The following TAFA1 variants were observed in gnomAD, a reference collection of about 807,000 sequenced individuals.
TAFA1 encodes chemokine-like protein TAFA-1.
Under a neutral mutation model 18.5 loss-of-function variants are expected in TAFA1, and 4 were observed. The ratio of observed to expected loss-of-function variants is 0.22; its 90% CI spans 0.11 to 0.49. TAFA1 has a LOEUF of 0.49. Ranked by LOEUF, TAFA1 falls within the 20% of genes least tolerant of loss-of-function variation. The pLI, the probability that TAFA1 is intolerant of heterozygous loss-of-function variation, is 0.98. For synonymous variants in TAFA1, 56 were observed against 55.2 expected, an observed-to-expected ratio of 1.01 and a Z score of -0.06; for missense variants, 147 against 169.0, an observed-to-expected ratio of 0.87 and a Z score of 0.72.
intron 2 of TAFA1, among the ~76,000 whole-genome samples, chr3:68,099,467 C>T (rs778497226): frequency 6.6e-6 from 1 of 152,028 alleles, no homozygotes; most frequent in Non-Finnish European, 1.5e-5. Context: ...CCATCTCACA[C>T]CAGTCAGAAT....
intron 2 of TAFA1, among the ~76,000 whole-genome samples, chr3:68,404,451 T>C (rs892981449): frequency 1.3e-5 from 2 of 152,112 alleles, no homozygotes; most frequent in Admixed American, 1.3e-4. Flanking sequence ...GGTCCATAGA[T>C]GAAAGTAAAA....
At position 68,422,925 on chromosome 3, in the gene TAFA1, G is replaced by A. The variant is rs530670073; in HGVS notation, c.259+5505G>A. On this transcript the variant is annotated intron_variant, in intron 3 of 4. Transcript: ENST00000478136. ...AGAACAACTAAAAATATTACCTACA[G>A]CCTTTCATTAATTTCCAAGTTCTTC... Among the ~76,000 whole-genome samples, 5 of 151,742 alleles carry A rather than the reference G, an allele frequency of 3.3e-5. No individual in the cohort carries two copies. The East Asian group carries it at 9.7e-4, about 30-fold the overall frequency.
At chr3:68,000,107 A>G (rs767094595), upstream of TAFA1, among the ~76,000 whole-genome samples, 16 of 152,160 alleles carry the variant, frequency 1.1e-4, no homozygotes, top group Non-Finnish European at 2.2e-4. Context: ...TTATTTCTGT[A>G]AAGGCAGCTC....
rs574992064 is a variant in TAFA1, at chr3:68,122,220, C to A, written c.118+115476C>A. On this transcript the variant is annotated intron_variant, in intron 2 of 4. Coordinates refer to ENST00000478136, the MANE Select transcript of TAFA1 (RefSeq NM_213609.4). ...ATATTTTTTTTAATTCTGAGGCTTT[C>A]TATGTAATTTAACTTTCCTAATGAT... Among the ~76,000 whole-genome samples, 16 of 152,122 alleles carry A rather than the reference C, an allele frequency of 1.1e-4. No homozygotes were observed. In the South Asian group the frequency reaches 3.3e-3, roughly 32 times the overall value.
intron 2 of TAFA1, among the ~76,000 whole-genome samples, chr3:68,055,365 T>A (rs2064523348): frequency 6.6e-6 from 1 of 152,074 alleles, no homozygotes; most frequent in Non-Finnish European, 1.5e-5. Flanking sequence ...AATGCCTCCA[T>A]ATCAATAAAC....
chr3:68,481,677 T>C (rs557912632), intron 3 of TAFA1, among the ~76,000 whole-genome samples: 4 of 152,334 alleles, frequency 2.6e-5, no homozygotes, highest in African/African-American at 9.6e-5. Flanking sequence ...TTAATTTATA[T>C]AAAGCAGATT....
chr3:68,506,942 G>A (rs747925284), intron 3 of TAFA1, among the ~76,000 whole-genome samples: 1 of 151,446 alleles, frequency 6.6e-6, no homozygotes, highest in Non-Finnish European at 1.5e-5. Flanking sequence ...CTGGAAGGGT[G>A]TTTATTATGG....
chr3:68,030,337 T>C (rs1402721066), intron 2 of TAFA1, among the ~76,000 whole-genome samples: 1 of 152,018 alleles, frequency 6.6e-6, no homozygotes, highest in Non-Finnish European at 1.5e-5. Flanking sequence ...AGTATATATA[T>C]ATGTGCTGTG....
chr3:68,222,587 C>G (rs927142717), intron 2 of TAFA1, among the ~76,000 whole-genome samples: 4 of 152,168 alleles, frequency 2.6e-5, no homozygotes, highest in African/African-American at 7.2e-5. Flanking sequence ...CTCAATGTGG[C>G]AGATTAAACA....
At chr3:68,484,397 A>G (rs2072299617) in intron 3 of TAFA1, among the ~76,000 whole-genome samples, 1 of 152,186 alleles carries the variant, frequency 6.6e-6, no homozygotes, top group Non-Finnish European at 1.5e-5. Flanking sequence ...GCAGCGGTCT[A>G]GGTGAAAGGG....
intron 3 of TAFA1, among the ~76,000 whole-genome samples, chr3:68,479,241 A>AAAAAATATATAT (rs1353493315): frequency 8.9e-5 from 11 of 123,674 alleles, no homozygotes; most frequent in African/African-American, 3.2e-4. Flanking sequence ...AAAAAAAAAA[A>AAAAAATATATAT]ATATATATAT....
intron 2 of TAFA1, among the ~76,000 whole-genome samples, chr3:68,348,548 T>G (rs545295534): frequency 6.6e-6 from 1 of 152,286 alleles, no homozygotes; most frequent in East Asian, 1.9e-4. Context: ...TTTGTTCCTG[T>G]AGATACATTT....
intron 3 of TAFA1, among the ~76,000 whole-genome samples, chr3:68,493,288 C>T (rs1411592708): frequency 1.3e-5 from 2 of 152,148 alleles, no homozygotes; most frequent in Non-Finnish European, 2.9e-5. Context: ...ATAAAGTCCT[C>T]AAGGTATATC....
intron 2 of TAFA1, among the ~76,000 whole-genome samples, chr3:68,090,389 T>A (rs2065016625): frequency 6.6e-6 from 1 of 152,196 alleles, no homozygotes; most frequent in Admixed American, 6.5e-5. Context: ...ACACTAACAA[T>A]TCATTTTTAC....
chr3:68,460,966 A>T (rs2071765683), intron 3 of TAFA1, among the ~76,000 whole-genome samples: 1 of 152,174 alleles, frequency 6.6e-6, no homozygotes, highest in Non-Finnish European at 1.5e-5. Flanking sequence ...AGTGCCCAAG[A>T]TAGGGCAGAT....
intron 2 of TAFA1, among the ~76,000 whole-genome samples, chr3:68,269,390 G>A (rs1479067679): frequency 6.6e-6 from 1 of 152,122 alleles, no homozygotes; most frequent in Non-Finnish European, 1.5e-5. Context: ...AAGAGTTCAG[G>A]TTATAATGAT....
At chr3:68,381,452 G>T (rs1164504219) in intron 2 of TAFA1, among the ~76,000 whole-genome samples, 3 of 152,074 alleles carry the variant, frequency 2.0e-5, no homozygotes. Context: ...TCATTGAGCA[G>T]TGGTTTGTAG....
chr3:68,329,216 C>CTT (rs10681423), intron 2 of TAFA1, among the ~76,000 whole-genome samples: 2,790 of 88,946 alleles, frequency 0.031, 166 homozygotes, highest in African/African-American at 0.095. Flanking sequence ...GCCTGGCTGC[C>CTT]TTTTTTTTTT....
intron 2 of TAFA1, among the ~76,000 whole-genome samples, chr3:68,380,238 G>A (rs1270321261): frequency 2.6e-5 from 4 of 152,164 alleles, no homozygotes; most frequent in Admixed American, 2.0e-4. Flanking sequence ...ACGCGTGCAT[G>A]TGTCTTTATA....
Sources: allele counts gnomAD v4.1 joint callset (sites outside exome capture counted in the v4.1 genomes callset), GRCh38; gene constraint gnomAD v4.1.1; transcripts MANE v1.5; gene names NCBI Gene and HGNC (gene_info 2026-07-23, HGNC 2026-07-21).